The following FDFT1 variants were observed in gnomAD, a reference collection of about 807,000 sequenced individuals.
FDFT1 encodes farnesyl-diphosphate farnesyltransferase 1.
Under a neutral mutation model 46.8 loss-of-function variants are expected in FDFT1, and 68 were observed. The ratio of observed to expected loss-of-function variants is 1.45; its 90% confidence interval spans 1.19 to 1.78. The LOEUF (loss-of-function observed/expected upper bound fraction) is 1.78, where lower values mean the gene tolerates loss of function less well. FDFT1 is among the 40% of genes most tolerant of loss of function. The probability of loss-of-function intolerance (pLI) is 0.00; values close to 1 mark genes in which losing one functional copy is unlikely to be tolerated. For missense variants in FDFT1, 928 were observed against 524.4 expected (o/e 1.77, Z -7.52); for synonymous variants, 351 against 185.1 (o/e 1.90, Z -7.28).
Position 11,821,795 on chromosome 8 carries a change from A to G in FDFT1, c.427A>G (p.Ile143Val). Reference protein sequence around the residue: ...RNLAEKYQTVIADICRRMGIG... With the variant: ...RNLAEKYQTVVADICRRMGIG... ...TCTGGCTGAGAAATACCAAACAGTG[A>G]TTGCCGACATTTGCCGGAGAATGGG... Residue 143 changes from isoleucine to valine, a missense_variant, in exon 4 of 8, where the codon ATT (isoleucine) becomes GTT (valine). Ile to Val is a conservative substitution (Grantham distance 29). Coordinates refer to ENST00000220584, the MANE Select transcript of FDFT1 (RefSeq NM_004462.5). The G allele has an allele frequency of 6.2e-7, 1 of 1,613,724 alleles. No individual in the cohort carries two copies. Among genetic ancestry groups the G allele is most frequent in the Non-Finnish European group, 8.5e-7 (1 of 1,179,730 alleles).
At chr8:11,828,535 T>A (rs1274632142) in intron 5 of FDFT1, among the ~76,000 whole-genome samples, 4 of 152,206 alleles carry the variant, frequency 2.6e-5, no homozygotes, top group Non-Finnish European at 4.4e-5. Flanking sequence ...TGACCACTGT[T>A]CCATTGTCTC....
At position 11,826,078 on chromosome 8, in the gene FDFT1, G is replaced by C; in HGVS notation, c.565G>C (p.Ala189Pro). ...AATTGGCCTTTCCCGTCTTTTCTCA[G>C]CCTCAGAGTTTGAAGACCCCTTAGT... Reference protein sequence around the residue: ...VGIGLSRLFSASEFEDPLVGE... With the variant: ...VGIGLSRLFSPSEFEDPLVGE... Residue 189 changes from alanine (A) to proline (P), a missense_variant, in exon 5 of 8, where the codon GCC becomes CCC. Ala to Pro is a conservative substitution (Grantham distance 27). Transcript: ENST00000220584. 1 of 1,608,380 alleles carries C rather than the reference G, an allele frequency of 6.2e-7. No individual in the cohort carries two copies.
intron 3 of FDFT1, among the ~76,000 whole-genome samples, chr8:11,818,389 G>T (rs1035295372): frequency 6.6e-6 from 1 of 152,224 alleles, no homozygotes. Flanking sequence ...GCTTGGTCCA[G>T]AGCTGAGTTC....
At chr8:11,825,751 T>C (rs556313574) in intron 4 of FDFT1, among the ~76,000 whole-genome samples, 5 of 152,212 alleles carry the variant, frequency 3.3e-5, no homozygotes, top group East Asian at 3.9e-4. Context: ...CCTTTTATTA[T>C]AGTAGCAGTA....
chr8:11,812,722 A>T (rs1374954341), intron 3 of FDFT1, among the ~76,000 whole-genome samples: 1 of 152,174 alleles, frequency 6.6e-6, no homozygotes, highest in African/African-American at 2.4e-5. Context: ...GCCTTGCAGA[A>T]TTTAGGAATA....
chr8:11,837,694 G>C (rs1811732178), intron 7 of FDFT1, among the ~76,000 whole-genome samples: 1 of 152,122 alleles, frequency 6.6e-6, no homozygotes, highest in African/African-American at 2.4e-5. Flanking sequence ...ATCAAGCAGA[G>C]GTTTGAGATC....
rs1294381024 is a variant in FDFT1 at position 11,830,327 on chromosome 8, T to A, written c.786T>A (p.Leu262=). 2 of 1,613,546 alleles carry A rather than the reference T, an allele frequency of 1.2e-6. No individual in the cohort carries two copies. The highest frequency in any genetic ancestry group is 2.2e-5 in the South Asian group (2 of 91,048). Residue 262 remains leucine, a synonymous_variant, in exon 6 of 8, where the codon CTT becomes CTA. Coordinates refer to ENST00000220584, the MANE Select transcript of FDFT1 (RefSeq NM_004462.5). ...IDLAVQCLNE[L]ITNALHHIPD... ...TGGCCGTGCAGTGCCTGAATGAACTTATAACCAATGCACTGCACCACATCC... is the reference window on the plus strand; with the variant it reads ...TGGCCGTGCAGTGCCTGAATGAACTAATAACCAATGCACTGCACCACATCC...
At chr8:11,801,159 C>G (rs527283697), upstream of FDFT1, among the ~76,000 whole-genome samples, 1 of 152,086 alleles carries the variant, frequency 6.6e-6, no homozygotes, top group African/African-American at 2.4e-5. Context: ...TAGTGAACAG[C>G]TAGACAAAAA....
intron 3 of FDFT1, among the ~76,000 whole-genome samples, chr8:11,820,712 C>T (rs144852957): frequency 2.0e-5 from 3 of 152,170 alleles, no homozygotes; most frequent in Admixed American, 6.5e-5. Flanking sequence ...CTGCCAGTTG[C>T]GAAGACTGGG....
At chr8:11,823,427 G>C (rs765049196) in intron 4 of FDFT1, among the ~76,000 whole-genome samples, 17 of 152,006 alleles carry the variant, frequency 1.1e-4, no homozygotes, top group Non-Finnish European at 1.6e-4. Flanking sequence ...TTGTATAGCT[G>C]TCCAAAGCCA....
chr8:11,838,814 C>G lies in FDFT1; in HGVS notation c.*205C>G, dbSNP rs1021860804. On this transcript the variant is annotated 3_prime_UTR_variant, in exon 8 of 8. Coordinates refer to ENST00000220584, the MANE Select transcript of FDFT1 (RefSeq NM_004462.5). ...GGGTGCCTCATCCCAGCAACCTGTC[C>G]TTGTGGGTGATGATCACTGTGCTGC... The G allele has an allele frequency of 1.2e-5, 7 of 577,178 alleles. No individual in the cohort carries two copies. Among genetic ancestry groups the G allele is most frequent in the South Asian group, 9.8e-5 (5 of 51,182 alleles). The allele number at this position is 577,178 out of a possible 1,614,324, so 35.8% of individuals were successfully genotyped here. A position where few individuals can be genotyped will look rare whatever the true frequency, so the allele number is the denominator to read the frequency against.
rs993894646 is a variant in FDFT1 at position 11,817,241 on chromosome 8, C to G, written c.382-4509C>G. On this transcript the variant is annotated intron_variant, in intron 3 of 7. Coordinates refer to ENST00000220584, the MANE Select transcript of FDFT1 (RefSeq NM_004462.5). ...AGCCGACTTGATCGTGGTGGATAAG[C>G]TTTTTGATGTGCTGCTGGATTCAAT... Among the ~76,000 whole-genome samples the G allele has an allele frequency of 6.6e-5, 10 of 152,294 alleles. 1 individual carries two copies. The highest frequency in any genetic ancestry group is 2.4e-4 in the African/African-American group (10 of 41,558).
At chr8:11,812,334 G>A (rs1807833927) in intron 3 of FDFT1, among the ~76,000 whole-genome samples, 1 of 152,220 alleles carries the variant, frequency 6.6e-6, no homozygotes, top group Non-Finnish European at 1.5e-5. Flanking sequence ...ACCATTGACT[G>A]TGCCCTTGGG....
At chr8:11,819,791 G>A (rs185358354) in intron 3 of FDFT1, among the ~76,000 whole-genome samples, 6 of 152,144 alleles carry the variant, frequency 3.9e-5, no homozygotes, top group Admixed American at 3.3e-4. Context: ...CGGTCAGAAC[G>A]TGCTGCTTTA....
intron 3 of FDFT1, among the ~76,000 whole-genome samples, chr8:11,816,713 T>G (rs926319328): frequency 6.6e-6 from 1 of 152,236 alleles, no homozygotes; most frequent in African/African-American, 2.4e-5. Context: ...TTTTGCACAT[T>G]GATTTTGTAT....
chr8:11,810,152 T>C (rs1189313828), intron 3 of FDFT1, among the ~76,000 whole-genome samples: 1 of 152,204 alleles, frequency 6.6e-6, no homozygotes, highest in Non-Finnish European at 1.5e-5. Flanking sequence ...TTCAAAGAAT[T>C]AACGTAGGTA....
chr8:11,834,039 C>T (rs1478647737), intron 7 of FDFT1, among the ~76,000 whole-genome samples: 2 of 152,252 alleles, frequency 1.3e-5, no homozygotes, highest in Non-Finnish European at 2.9e-5. Flanking sequence ...TGGCCTCTTG[C>T]TGGTGTCCAG....
intron 3 of FDFT1, among the ~76,000 whole-genome samples, chr8:11,811,270 C>T (rs939904520): frequency 9.2e-5 from 14 of 152,148 alleles, no homozygotes; most frequent in African/African-American, 3.4e-4. Flanking sequence ...CTGAATTCTG[C>T]TGAAGCAGAG....
chr8:11,819,345 G>A (rs1460337154), intron 3 of FDFT1, among the ~76,000 whole-genome samples: 3 of 152,106 alleles, frequency 2.0e-5, no homozygotes, highest in African/African-American at 7.2e-5. Flanking sequence ...CGCTTCTCGA[G>A]GAATATCTTT....
Sources: gnomAD v4.1 joint callset for allele counts (sites outside exome capture counted in the v4.1 genomes callset) on GRCh38, gnomAD v4.1.1 for gene constraint, MANE v1.5 for transcripts, NCBI Gene and HGNC (gene_info 2026-07-23, HGNC 2026-07-21) for gene names.